RPLP1: variants seen among roughly 807,000 people sequenced by gnomAD.
RPLP1 encodes the protein large ribosomal subunit protein P1.
In RPLP1, 4 loss-of-function variants were observed where a neutral mutation model predicts 11.6. The ratio of observed to expected loss-of-function variants is 0.34; its 90% CI spans 0.17 to 0.79. The LOEUF (loss-of-function observed/expected upper bound fraction) is 0.79, where lower values mean the gene tolerates loss of function less well. RPLP1 is among the 30% of genes least tolerant of loss of function. The pLI, the probability that RPLP1 is intolerant of heterozygous loss-of-function variation, is 0.55. For missense variants in RPLP1, 133 were observed against 142.8 expected (o/e 0.93, Z 0.35); for synonymous variants, 54 against 52.2 (o/e 1.03, Z -0.15).
Position 69,452,904 on chromosome 15 carries a change from A to G in RPLP1, c.-45A>G, listed in dbSNP as rs1362633813. On this transcript the variant is annotated 5_prime_UTR_variant, in exon 1 of 4. Coordinates refer to ENST00000260379, the MANE Select transcript of RPLP1 (RefSeq NM_001003.3). Reference sequence around the variant, plus strand: ...GGTGAGGCCCTCACTTCATCCGGCGACTAGCACCGCGTCCGGCAGCGCCAG... The same window carrying G: ...GGTGAGGCCCTCACTTCATCCGGCGGCTAGCACCGCGTCCGGCAGCGCCAG... 2 of 1,538,290 alleles carry G rather than the reference A, an allele frequency of 1.3e-6. No individual in the cohort carries two copies. Among genetic ancestry groups the G allele is most frequent in the East Asian group, 2.4e-5 (1 of 41,140 alleles).
chr15:69,453,145 G>A (rs1892376627), intron 1 of RPLP1, 125 bp downstream of exon 1: 1 of 884,808 alleles, frequency 1.1e-6, no homozygotes, highest in East Asian at 2.7e-5. Context: ...GCGAACACAG[G>A]CCGCATAGGG....
At chr15:69,453,935 G>T in intron 2 of RPLP1, 1 of 563,848 alleles carries the variant, frequency 1.8e-6, no homozygotes, top group Non-Finnish European at 3.2e-6. Context: ...CTTTTGCTCT[G>T]AAACCATGGT....
chr15:69,452,917 C>T lies in RPLP1; in HGVS notation c.-32C>T. 1.9e-6 allele frequency: 3 copies of T among 1,558,452 alleles called. No homozygotes were observed. Among genetic ancestry groups the T allele is most frequent in the Non-Finnish European group, 2.6e-6 (3 of 1,153,636 alleles). On this transcript the variant is annotated 5_prime_UTR_variant, in exon 1 of 4. Coordinates refer to ENST00000260379, the MANE Select transcript of RPLP1 (RefSeq NM_001003.3). ...CTTCATCCGGCGACTAGCACCGCGT[C>T]CGGCAGCGCCAGCCCTACACTCGCC...
At chr15:69,453,090 C>T in intron 1 of RPLP1, 70 bp downstream of exon 1, 1 of 1,379,860 alleles carries the variant, frequency 7.2e-7, no homozygotes, top group Admixed American at 2.0e-5. Context: ...ATGCGGTTCC[C>T]GGCTCCAGGC....
Position 69,452,860 on chromosome 15 carries a change from G to A in RPLP1, c.-89G>A. ...CGCCAAGGTGCTCGGTCCTTCCGAGGAAGCTAAGGCTGCGTTGGGGTGAGG... is the reference window on the plus strand; with the variant it reads ...CGCCAAGGTGCTCGGTCCTTCCGAGAAAGCTAAGGCTGCGTTGGGGTGAGG... On this transcript the variant is annotated 5_prime_UTR_variant, in exon 1 of 4. Coordinates refer to ENST00000260379, the MANE Select transcript of RPLP1 (RefSeq NM_001003.3). 2 of 1,244,730 alleles carry A rather than the reference G, an allele frequency of 1.6e-6. No individual in the cohort carries two copies. The highest frequency in any genetic ancestry group is 2.3e-6 in the Non-Finnish European group (2 of 879,538). The allele number at this position is 1,244,730 out of a possible 1,614,324, so 77.1% of individuals were successfully genotyped here. A position where few individuals can be genotyped will look rare whatever the true frequency, so the allele number is the denominator to read the frequency against.
chr15:69,454,990 C>T (rs941556583), intron 2 of RPLP1, 180 bp from the exon 3 acceptor site: 4 of 779,518 alleles, frequency 5.1e-6, no homozygotes, highest in Middle Eastern at 4.4e-4. Flanking sequence ...TAGAAGTCTA[C>T]ATGTTTGGTA....
intron 2 of RPLP1, 177 bp downstream of exon 2, chr15:69,453,898 AC>A (rs780936909): frequency 9.2e-5 from 57 of 616,330 alleles, no homozygotes; most frequent in African/African-American, 1.9e-4. Flanking sequence ...GTCAAGTCTT[AC>A]GTTTCCTTAT....
rs2140436407 is a variant in RPLP1, at chr15:69,455,152, C to T, written c.148-18C>T. The T allele has an allele frequency of 6.5e-7, 1 of 1,549,424 alleles. No individual in the cohort carries two copies. The highest frequency in any genetic ancestry group is 8.7e-7 in the Non-Finnish European group (1 of 1,153,198). ...GGACAGAACTGGGCGTTTACCTATG[C>T]ATGCACATGTATTGCAGGCCCTGGC... On this transcript the variant is annotated intron_variant, in intron 2 of 3. Coordinates refer to ENST00000260379, the MANE Select transcript of RPLP1 (RefSeq NM_001003.3).
chr15:69,455,149 A>T (rs371578731), intron 2 of RPLP1, 21 bp from the exon 3 acceptor site: 3 of 1,546,274 alleles, frequency 1.9e-6, no homozygotes, highest in Admixed American at 2.2e-5. Context: ...GCGTTTACCT[A>T]TGCATGCACA....
intron 2 of RPLP1, chr15:69,454,583 T>C (rs1022995872): frequency 6.6e-6 from 1 of 152,242 alleles, no homozygotes; most frequent in Non-Finnish European, 1.5e-5. Context: ...GAAAACATTG[T>C]ACCTATGTCA....
At chr15:69,454,039 TTTTC>T (rs1892397508) in intron 2 of RPLP1, 1 of 333,084 alleles carries the variant, frequency 3.0e-6, no homozygotes, top group African/African-American at 2.2e-5. Flanking sequence ...TTCTTTTTCT[TTTTC>T]TTTTTTTTTT....
rs189151356 is a variant in RPLP1 at position 69,454,857 on chromosome 15, A to G, written c.148-313A>G. The G allele has an allele frequency of 7.3e-5, 14 of 192,048 alleles. No individual in the cohort carries two copies. The Admixed American group carries it at 8.4e-4, about 12-fold the overall frequency. 11.9% of individuals were successfully genotyped at this position (192,048 alleles called of 1,614,324 possible). On this transcript the variant is annotated intron_variant, in intron 2 of 3. Transcript: ENST00000260379. ...TGTAACCTAAGTCTTGGCTGTTAGC[A>G]AAGAAAAGCCAGTGTCTGGGGTATT...
chr15:69,453,929 T>C (rs1352370308), intron 2 of RPLP1: 4 of 576,406 alleles, frequency 6.9e-6, no homozygotes, highest in South Asian at 2.3e-5. Context: ...GTTTCCCTTT[T>C]GCTCTGAAAC....
chr15:69,453,167 C>T lies in RPLP1; in HGVS notation c.72+147C>T, dbSNP rs376905653. On this transcript the variant is annotated intron_variant, in intron 1 of 3. Transcript: ENST00000260379. ...CAGGCCGCATAGGGCGGGCGCTCCT[C>T]GGGGCTGGGGCCTCTCTCCGGGCAG... 56 of 749,118 alleles carry T rather than the reference C, an allele frequency of 7.5e-5. No individual in the cohort carries two copies. In the African/African-American group the frequency reaches 8.5e-4, roughly 11 times the overall value. 46.4% of individuals were successfully genotyped at this position (749,118 alleles called of 1,614,324 possible). A position where few individuals can be genotyped will look rare whatever the true frequency, so the allele number is the denominator to read the frequency against.
intron 1 of RPLP1, 111 bp downstream of exon 1, chr15:69,453,131 G>C (rs1264409530): frequency 9.7e-7 from 1 of 1,033,330 alleles, no homozygotes; most frequent in Non-Finnish European, 1.4e-6. Flanking sequence ...GCCGGGGCCA[G>C]GCCGCGAACA....
rs1220946186 is a variant in RPLP1, at chr15:69,455,088, G to C, written c.148-82G>C. ...GGTTGATCACTGTAACCTGGAATGG[G>C]GGATACTTTTCGTTTTTGGCTGCGT... On this transcript the variant is annotated intron_variant, in intron 2 of 3. Transcript: ENST00000260379. The C allele has an allele frequency of 1.3e-5, 20 of 1,497,832 alleles. 1 individual carries two copies. In the South Asian group the frequency reaches 1.5e-4, roughly 12 times the overall value. 92.8% of individuals were successfully genotyped at this position (1,497,832 alleles called of 1,614,324 possible). A position where few individuals can be genotyped will look rare whatever the true frequency, so the allele number is the denominator to read the frequency against.
At chr15:69,455,076 A>T in intron 2 of RPLP1, 94 bp from the exon 3 acceptor site, 1 of 1,492,048 alleles carries the variant, frequency 6.7e-7, no homozygotes, top group Non-Finnish European at 8.9e-7. Flanking sequence ...TGATCACTGT[A>T]ACCTGGAATG....
intron 2 of RPLP1, 24 bp downstream of exon 2, chr15:69,453,745 T>C: frequency 2.5e-6 from 4 of 1,613,644 alleles, no homozygotes; most frequent in South Asian, 1.1e-5. Flanking sequence ...GGCAAAGTGA[T>C]TGTGGTAAGG....
At chr15:69,455,354 CAA>C in intron 3 of RPLP1, 67 bp downstream of exon 3, 2 of 1,541,176 alleles carry the variant, frequency 1.3e-6, no homozygotes, top group Non-Finnish European at 1.7e-6. Flanking sequence ...GTATTATAGA[CAA>C]AATTGCCATT....
Sources: allele counts gnomAD v4.1 joint callset, GRCh38; gene constraint gnomAD v4.1.1; transcripts MANE v1.5; gene names NCBI Gene and HGNC (gene_info 2026-07-23, HGNC 2026-07-21).